The following BACH1 variants were observed in gnomAD, a reference collection of about 807,000 sequenced individuals.
The protein encoded by BACH1 is BTB domain and CNC homolog 1.
Under a neutral mutation model 52.9 loss-of-function variants are expected in BACH1, and 35 were observed. The ratio of observed to expected loss-of-function variants is 0.66; its 90% CI spans 0.51 to 0.88. BACH1 has a LOEUF of 0.88. Ranked by LOEUF, BACH1 falls within the 40% of genes least tolerant of loss-of-function variation. The pLI is 0.00. For missense variants in BACH1, 808 were observed against 872.6 expected, an observed-to-expected ratio of 0.93 and a Z score of 0.93; for synonymous variants, 321 against 319.6, an observed-to-expected ratio of 1.00 and a Z score of -0.05.
chr21:29,327,006 A>C lies in BACH1; in HGVS notation c.1182A>C (p.Ala394=), dbSNP rs745456923. The change falls in exon 3 of 5, where the codon GCA becomes GCC. Residue 394 remains alanine (A), a synonymous_variant. Coordinates refer to ENST00000286800, the MANE Select transcript of BACH1 (RefSeq NM_001186.4). ...SDRSSVEREV[A]EHLAKGFWSD... ...GGAGTAGTGTGGAGCGAGAAGTGGC[A>C]GAACACCTAGCAAAAGGCTTCTGGA... The C allele has an allele frequency of 2.5e-6, 4 of 1,614,116 alleles. No individual in the cohort carries two copies. The East Asian group carries it at 6.7e-5, about 27-fold the overall frequency.
chr21:29,354,207 G>A (rs982328688), intron 2 of BACH1, among the ~76,000 whole-genome samples: 5 of 152,240 alleles, frequency 3.3e-5, no homozygotes, highest in Admixed American at 6.5e-5. Context: ...TGCATGCCAT[G>A]TATGTGTGGC....
rs2123476229 is a variant in BACH1, at chr21:29,342,424, A to G, written c.1802A>G (p.Lys601Arg). 1.2e-6 allele frequency: 2 copies of G among 1,613,532 alleles called. No homozygotes were observed. The highest frequency in any genetic ancestry group is 1.7e-6 in the Non-Finnish European group (2 of 1,179,622). ...KLQSEKESLL[K>R]ERDHILSTLG... ...CAAAGTGAAAAGGAGAGCTTGTTGA[A>G]GGAAAGAGATCACATTTTGTCAACT... is the stretch of plus-strand genomic sequence containing the variant. Residue 601 changes from lysine (K) to arginine (R), a missense_variant, in exon 5 of 5, where the codon AAG becomes AGG. By Grantham distance (26) the Lys-to-Arg change is conservative (BLOSUM62 2). Transcript: ENST00000286800.
intron 1 of BACH1, among the ~76,000 whole-genome samples, chr21:29,307,475 G>A (rs1340511359): frequency 1.3e-5 from 2 of 152,056 alleles, no homozygotes; most frequent in Non-Finnish European, 2.9e-5. Context: ...AATACAGTAG[G>A]ATCCCCACCC....
chr21:29,302,819 T>C (rs1399641065), intron 1 of BACH1, among the ~76,000 whole-genome samples: 3 of 152,330 alleles, frequency 2.0e-5, no homozygotes, highest in South Asian at 4.1e-4. Context: ...AACACTCTTA[T>C]GTTAAGTCAG....
intron 1 of BACH1, among the ~76,000 whole-genome samples, chr21:29,301,096 A>G (rs1183729963): frequency 6.6e-6 from 1 of 152,228 alleles, no homozygotes; most frequent in Admixed American, 6.5e-5. Context: ...GATGATTCCT[A>G]TTAATGGTAG....
intron 1 of BACH1, among the ~76,000 whole-genome samples, chr21:29,314,463 C>A (rs983985302): frequency 1.3e-5 from 2 of 152,184 alleles, no homozygotes; most frequent in Non-Finnish European, 2.9e-5. Context: ...GACCCAGCAA[C>A]TATAACAAAA....
chr21:29,345,382 TCA>T lies in BACH1; in HGVS notation c.*2550_*2551del, dbSNP rs1779075399. 6.6e-6 allele frequency: 1 copy of T among 152,280 alleles called. No homozygotes were observed. The highest frequency in any genetic ancestry group is 2.4e-5 in the African/African-American group (1 of 41,464). 9.4% of individuals were successfully genotyped at this position (152,280 alleles called of 1,614,324 possible). ...CTTCATGCAGAATTTTGAAATGTTT[TCA>T]GTTTGTATATTGCATATTCACATGA... is the stretch of plus-strand genomic sequence containing the variant. On this transcript the variant is annotated 3_prime_UTR_variant, in exon 5 of 5. Transcript: ENST00000286800.
At chr21:29,309,257 C>CAAA (rs3054257) in intron 1 of BACH1, among the ~76,000 whole-genome samples, 14,979 of 91,390 alleles carry the variant, frequency 0.16, 1,071 homozygotes, top group East Asian at 0.42. Context: ...GACTCTGTCT[C>CAAA]AAAAAAAAAA....
chr21:29,305,389 C>T (rs558718254), intron 1 of BACH1: 1 of 152,200 alleles, frequency 6.6e-6, no homozygotes, highest in East Asian at 1.9e-4. Context: ...AAGTGCTATT[C>T]AAACTATAGG....
chr21:29,299,176 C>T (rs2088573786), intron 1 of BACH1, among the ~76,000 whole-genome samples: 1 of 151,624 alleles, frequency 6.6e-6, no homozygotes, highest in Non-Finnish European at 1.5e-5. Flanking sequence ...AAGGGGCGTC[C>T]CGTCGGCGGC....
In BACH1 at chr21:29,345,180, G is replaced by C. The variant is rs1268034629; in HGVS notation, c.*2347G>C. 1.3e-5 allele frequency: 2 copies of C among 152,576 alleles called. No individual in the cohort carries two copies. The highest frequency in any genetic ancestry group is 2.4e-5 in the African/African-American group (1 of 41,438). The allele number at this position is 152,576 out of a possible 1,614,324, so 9.5% of individuals were successfully genotyped here. A position where few individuals can be genotyped will look rare whatever the true frequency, so the allele number is the denominator to read the frequency against. ...GACAGATAAAAAAGATTTTACGTTTGTCTTTTGGCCATAAGTGGGAAAGTT... is the reference window on the plus strand; with the variant it reads ...GACAGATAAAAAAGATTTTACGTTTCTCTTTTGGCCATAAGTGGGAAAGTT... On this transcript the variant is annotated 3_prime_UTR_variant, in exon 5 of 5. Coordinates refer to ENST00000286800, the MANE Select transcript of BACH1 (RefSeq NM_001186.4).
intron 1 of BACH1, among the ~76,000 whole-genome samples, chr21:29,307,555 T>C (rs564485045): frequency 4.6e-4 from 70 of 152,298 alleles, no homozygotes; most frequent in Non-Finnish European, 7.1e-4. Context: ...ACAATAGATA[T>C]TTTGAGAAAG....
At chr21:29,329,434 G>T in intron 3 of BACH1, 53 bp from the exon 4 acceptor site, 1 of 1,370,072 alleles carries the variant, frequency 7.3e-7, no homozygotes, top group Non-Finnish European at 9.7e-7. Flanking sequence ...TCCTAGGTTT[G>T]ACTATAATTA....
At chr21:29,318,085 A>T (rs891987821) in intron 1 of BACH1, among the ~76,000 whole-genome samples, 1 of 150,866 alleles carries the variant, frequency 6.6e-6, no homozygotes, top group Non-Finnish European at 1.5e-5. Context: ...ACTGGGATTT[A>T]AAAAAAAAAT....
chr21:29,332,109 T>C (rs921432835), intron 4 of BACH1, among the ~76,000 whole-genome samples: 1 of 152,126 alleles, frequency 6.6e-6, no homozygotes, highest in Admixed American at 6.6e-5. Flanking sequence ...ATTTTTTGTA[T>C]TTTTAGTGGA....
intron 2 of BACH1, 50 bp from the exon 3 acceptor site, chr21:29,326,009 A>C (rs1291196354): frequency 6.5e-7 from 1 of 1,528,318 alleles, no homozygotes; most frequent in African/African-American, 1.4e-5. Context: ...GTTTTTATGT[A>C]CTAGACAGCT....
At chr21:29,301,785 T>G (rs2088606608) in intron 1 of BACH1, among the ~76,000 whole-genome samples, 1 of 152,150 alleles carries the variant, frequency 6.6e-6, no homozygotes, top group Admixed American at 6.5e-5. Flanking sequence ...TGTTTTTTTT[T>G]GTTTGTTTTT....
chr21:29,322,656 C>G (rs2088862201), intron 2 of BACH1, among the ~76,000 whole-genome samples: 1 of 152,140 alleles, frequency 6.6e-6, no homozygotes, highest in South Asian at 2.1e-4. Flanking sequence ...TATGACAGGT[C>G]TATGTGGGAT....
Position 29,325,221 on chromosome 21 carries a change from C to G in BACH1, c.235-838C>G, listed in dbSNP as rs536126549. Among the ~76,000 whole-genome samples the G allele has an allele frequency of 2.6e-5, 4 of 152,078 alleles. No homozygotes were observed. The East Asian group carries it at 7.7e-4, about 29-fold the overall frequency. On this transcript the variant is annotated intron_variant, in intron 2 of 4. Transcript: ENST00000286800. ...CTCCAGCCTGGGCGACAGAGCGAGA[C>G]TCCGTCTTAGAAAAAAAAAAATCAC...
Sources: allele counts gnomAD v4.1 joint callset (sites outside exome capture counted in the v4.1 genomes callset), GRCh38; gene constraint gnomAD v4.1.1; transcripts MANE v1.5; gene names NCBI Gene and HGNC (gene_info 2026-07-23, HGNC 2026-07-21).